The following CADM2 variants were observed in gnomAD, a reference collection of about 807,000 sequenced individuals.
CADM2 encodes cell adhesion molecule 2, also known as immunoglobulin superfamily member 4D.
A neutral mutation model predicts 49.8 loss-of-function variants in CADM2; 12 were observed. The observed-to-expected ratio is 0.24, with a 90% CI of 0.15 to 0.39. The LOEUF is 0.39. Among genes scored for constraint, CADM2 ranks in the 10% least tolerant of loss-of-function variants. CADM2 has a pLI of 1.00. For missense variants in CADM2, 378 were observed against 492.3 expected (o/e 0.77, Z 2.20); for synonymous variants, 214 against 175.4 (o/e 1.22, Z -1.74).
At chr3:85,503,087 ATACT>A (rs1323733426) in intron 1 of CADM2, among the ~76,000 whole-genome samples, 1 of 138,908 alleles carries the variant, frequency 7.2e-6, no homozygotes, top group East Asian at 2.5e-4. Context: ...ATACTTACAT[ATACT>A]CCTAACATAA....
chr3:85,252,164 T>C (rs1323355911), intron 1 of CADM2, among the ~76,000 whole-genome samples: 1 of 151,978 alleles, frequency 6.6e-6, no homozygotes, highest in Admixed American at 6.6e-5. Context: ...GTTCTTCTGA[T>C]CCACTAAAGA....
intron 8 of CADM2, among the ~76,000 whole-genome samples, chr3:86,002,414 T>A (rs1366086343): frequency 1.3e-5 from 2 of 152,196 alleles, no homozygotes; most frequent in Non-Finnish European, 2.9e-5. Context: ...TAGACAGATG[T>A]CCAATTTTAT....
chr3:85,757,476 A>G (rs2069175513), intron 2 of CADM2, among the ~76,000 whole-genome samples: 1 of 152,106 alleles, frequency 6.6e-6, no homozygotes, highest in African/African-American at 2.4e-5. Flanking sequence ...TAAATGGATA[A>G]TTTAGAGTGT....
At chr3:84,969,009 T>C (rs2031218227) in intron 1 of CADM2, among the ~76,000 whole-genome samples, 1 of 152,040 alleles carries the variant, frequency 6.6e-6, no homozygotes, top group Admixed American at 6.6e-5. Context: ...GACATCTTTT[T>C]CTTAAAGAGA....
intron 1 of CADM2, among the ~76,000 whole-genome samples, chr3:85,218,784 A>G (rs917262478): frequency 6.6e-6 from 1 of 152,182 alleles, no homozygotes; most frequent in Non-Finnish European, 1.5e-5. Flanking sequence ...CAACAGAGTG[A>G]GACTCCGTCT....
chr3:85,370,370 C>A (rs887411225), intron 1 of CADM2, among the ~76,000 whole-genome samples: 21 of 151,676 alleles, frequency 1.4e-4, no homozygotes, highest in African/African-American at 4.1e-4. Context: ...GGCATTGAGC[C>A]AAGATCGCGC....
chr3:85,400,670 A>G (rs898484706), intron 1 of CADM2, among the ~76,000 whole-genome samples: 2 of 151,816 alleles, frequency 1.3e-5, no homozygotes, highest in Admixed American at 6.6e-5. Flanking sequence ...TTCCTGGTTT[A>G]TTCTTGGGAG....
chr3:86,044,775 C>A (rs1736432463), intron 8 of CADM2, among the ~76,000 whole-genome samples: 1 of 152,136 alleles, frequency 6.6e-6, no homozygotes, highest in Non-Finnish European at 1.5e-5. Flanking sequence ...TTTATTGCGG[C>A]ACTATTCACA....
intron 6 of CADM2, among the ~76,000 whole-genome samples, chr3:85,927,275 A>G (rs1719994350): frequency 1.3e-5 from 2 of 152,350 alleles, no homozygotes; most frequent in South Asian, 4.1e-4. Flanking sequence ...ATTGAGGTCC[A>G]GTAGTTATTC....
intron 1 of CADM2, among the ~76,000 whole-genome samples, chr3:85,572,233 G>T (rs1006752778): frequency 6.6e-6 from 1 of 152,032 alleles, no homozygotes; most frequent in African/African-American, 2.4e-5. Context: ...GGAGGCGGAG[G>T]TTGCAATTGT....
intron 8 of CADM2, among the ~76,000 whole-genome samples, chr3:86,064,479 A>C (rs966917534): frequency 2.0e-5 from 3 of 152,112 alleles, no homozygotes; most frequent in African/African-American, 7.2e-5. Context: ...GGTTGGATCC[A>C]AGTCTTTGCT....
At chr3:85,613,309 A>G (rs771137836) in intron 1 of CADM2, among the ~76,000 whole-genome samples, 1 of 151,746 alleles carries the variant, frequency 6.6e-6, no homozygotes, top group Non-Finnish European at 1.5e-5. Flanking sequence ...AGTATAACCT[A>G]ATAAAAACAT....
intron 1 of CADM2, among the ~76,000 whole-genome samples, chr3:85,386,198 G>A (rs2034220246): frequency 1.3e-5 from 2 of 152,128 alleles, no homozygotes; most frequent in South Asian, 4.1e-4. Context: ...ATAAATTCAA[G>A]GTAGCTAATT....
intron 7 of CADM2, among the ~76,000 whole-genome samples, chr3:85,958,258 C>T (rs1459794144): frequency 6.6e-6 from 1 of 151,996 alleles, no homozygotes; most frequent in Non-Finnish European, 1.5e-5. Context: ...TACCATCTCA[C>T]ACCAGTCAGA....
At chr3:85,809,763 C>CCTCTCTCT (rs575170244) in intron 3 of CADM2, among the ~76,000 whole-genome samples, 10 of 51,924 alleles carry the variant, frequency 1.9e-4, no homozygotes, top group African/African-American at 8.8e-4. Flanking sequence ...TCCCTCCCTC[C>CCTCTCTCT]CTCTCTCTCT....
At chr3:85,475,965 A>C (rs1022635622) in intron 1 of CADM2, among the ~76,000 whole-genome samples, 6 of 151,938 alleles carry the variant, frequency 3.9e-5, no homozygotes, top group Admixed American at 1.3e-4. Context: ...AGTACTTAAA[A>C]AGAAATAAAA....
At chr3:85,129,069 G>A (rs2039136986) in intron 1 of CADM2, among the ~76,000 whole-genome samples, 1 of 152,000 alleles carries the variant, frequency 6.6e-6, no homozygotes, top group African/African-American at 2.4e-5. Flanking sequence ...CCAGTGTGTG[G>A]GTATCTTCAA....
intron 1 of CADM2, among the ~76,000 whole-genome samples, chr3:85,279,192 G>A (rs1201800452): frequency 1.3e-5 from 2 of 151,422 alleles, no homozygotes; most frequent in East Asian, 3.9e-4. Flanking sequence ...CAGAGTCCCT[G>A]TAGCTAATCA....
At chr3:85,168,450 T>C (rs1276947155) in intron 1 of CADM2, among the ~76,000 whole-genome samples, 1 of 152,238 alleles carries the variant, frequency 6.6e-6, no homozygotes, top group Non-Finnish European at 1.5e-5. Flanking sequence ...ATAATACCTG[T>C]GTGGTATTCC....
Sources: allele counts gnomAD v4.1 joint callset (sites outside exome capture counted in the v4.1 genomes callset), GRCh38; gene constraint gnomAD v4.1.1; transcripts MANE v1.5; gene names NCBI Gene and HGNC (gene_info 2026-07-23, HGNC 2026-07-21).